Variants in RAI1 observed in about 807,000 individuals in gnomAD.
RAI1 encodes retinoic acid induced 1.
Under a neutral mutation model 123.8 loss-of-function variants are expected in RAI1, and 9 were observed. The observed-to-expected ratio is 0.07, with a 90% CI of 0.04 to 0.13. RAI1 has a LOEUF of 0.13. Among genes scored for constraint, RAI1 ranks in the 10% least tolerant of loss-of-function variants. RAI1 has a pLI of 1.00. For missense variants in RAI1, 2,256 were observed against 2,545.8 expected, an observed-to-expected ratio of 0.89 and a Z score of 2.45; for synonymous variants, 1,231 against 1,127.3, an observed-to-expected ratio of 1.09 and a Z score of -1.84.
chr17:17,735,169 C>G (rs536689152), intron 2 of RAI1, among the ~76,000 whole-genome samples: 1 of 152,168 alleles, frequency 6.6e-6, no homozygotes, highest in South Asian at 2.1e-4. Flanking sequence ...TGTCCTGCCT[C>G]AGCCTCCCAA....
chr17:17,744,812 AAGG>A (rs1399347756), intron 2 of RAI1, among the ~76,000 whole-genome samples: 1 of 151,676 alleles, frequency 6.6e-6, no homozygotes, highest in South Asian at 2.1e-4. Context: ...AAAAAAAAAA[AAGG>A]AAAACTGTAG....
rs9944449 is a variant in RAI1 at position 17,799,741 on chromosome 17, C to T, written c.5565+1228C>T. ...ATCTGAGTGATTCAGTGACCCAGCA[C>T]AGTGGCCCCAGCCGGTGGCTTCGCC... On this transcript the variant is annotated intron_variant, in intron 3 of 5. Coordinates refer to ENST00000353383, the MANE Select transcript of RAI1 (RefSeq NM_030665.4). The surrounding 1 kb of genome is among the most constrained non-coding windows in gnomAD (Gnocchi z 4.5). Among the ~76,000 whole-genome samples, 1,549 of 152,328 alleles carry T rather than the reference C, an allele frequency of 0.01. 24 individuals are homozygous for T. The highest frequency in any genetic ancestry group is 0.033 in the African/African-American group (1,387 of 41,570).
At position 17,713,165 on chromosome 17, in the gene RAI1, A is replaced by T. The variant is rs569262315; in HGVS notation, c.-148-10863A>T. ...GAGTGAATTATACCTCAAAAAAAAA[A>T]TTTTTTTTAAGGCATGTCCAGATTT... On this transcript the variant is annotated intron_variant, in intron 1 of 5. Transcript: ENST00000353383. 4.7e-3 allele frequency among the ~76,000 whole-genome samples: 719 copies of T among 152,162 alleles called. 2 individuals carry two copies. The highest frequency in any genetic ancestry group is 6.4e-3 in the Non-Finnish European group (438 of 67,982).
At position 17,809,812 on chromosome 17, in the gene RAI1, C is replaced by T. The variant is rs1234592780; in HGVS notation, c.5710-158C>T. On this transcript the variant is annotated intron_variant, in intron 5 of 5. Coordinates refer to ENST00000353383, the MANE Select transcript of RAI1 (RefSeq NM_030665.4). The surrounding 1 kb of genome is among the most constrained non-coding windows in gnomAD (Gnocchi z 4.9). Reference sequence around the variant, plus strand: ...GAAGGTGAAGCTGGACGGGGTGGGGCCAGAAGGGGTGGTGCCGACGGCCTC... The same window carrying T: ...GAAGGTGAAGCTGGACGGGGTGGGGTCAGAAGGGGTGGTGCCGACGGCCTC... Among the ~76,000 whole-genome samples, 2 of 151,970 alleles carry T rather than the reference C, an allele frequency of 1.3e-5. No individual in the cohort carries two copies. The highest frequency in any genetic ancestry group is 2.4e-5 in the African/African-American group (1 of 41,392).
In RAI1 at chr17:17,809,451, C is replaced by G. The variant is rs1419967099; in HGVS notation, c.5709+12C>G. The G allele has an allele frequency of 1.9e-6, 3 of 1,590,380 alleles. No homozygotes were observed. Among genetic ancestry groups the G allele is most frequent in the South Asian group, 2.2e-5 (2 of 90,612 alleles). ...GTCCCAAACATAAGGTAGGGGACCA[C>G]AGTGTTTTGTAGGGCGAGGGGTGTC... On this transcript the variant is annotated intron_variant, in intron 5 of 5. Coordinates refer to ENST00000353383, the MANE Select transcript of RAI1 (RefSeq NM_030665.4). The surrounding 1 kb of genome is among the most constrained non-coding windows in gnomAD (Gnocchi z 4.9).
Position 17,809,246 on chromosome 17 carries a change from C to T in RAI1, c.5660-144C>T. 1 of 795,586 alleles carries T rather than the reference C, an allele frequency of 1.3e-6. No individual in the cohort carries two copies. The highest frequency in any genetic ancestry group is 2.2e-6 in the Non-Finnish European group (1 of 449,570). 49.3% of individuals were successfully genotyped at this position (795,586 alleles called of 1,614,324 possible). A position where few individuals can be genotyped will look rare whatever the true frequency, so the allele number is the denominator to read the frequency against. ...GGAGTGGAGTGTGGAGGGTTTTGTGCAGAATCTGATTAACTCTTTGAAAAG... is the reference window on the plus strand; with the variant it reads ...GGAGTGGAGTGTGGAGGGTTTTGTGTAGAATCTGATTAACTCTTTGAAAAG... On this transcript the variant is annotated intron_variant, in intron 4 of 5. Coordinates refer to ENST00000353383, the MANE Select transcript of RAI1 (RefSeq NM_030665.4). The surrounding 1 kb of genome is among the most constrained non-coding windows in gnomAD (Gnocchi z 4.9).
Position 17,794,221 on chromosome 17 carries a change from A to G in RAI1, c.1273A>G (p.Asn425Asp), listed in dbSNP as rs142539314. The change falls in exon 3 of 6, where the codon AAC becomes GAC. Residue 425 changes from asparagine (N) to aspartate (D), a missense_variant. Asn to Asp is a conservative substitution (Grantham distance 23, BLOSUM62 1). Around this residue, in one of 7 missense-constraint regions of RAI1, gnomAD observed 357 missense variants for 480.2 expected, o/e 0.74. Coordinates refer to ENST00000353383, the MANE Select transcript of RAI1 (RefSeq NM_030665.4). ...KPLQKDKLPE[N>D]LLSDLSLQSL... The stretch of plus-strand genomic sequence containing the variant: ...CCTTCAGAAGGACAAGCTCCCTGAG[A>G]ACCTGCTGTCGGATCTCAGCCTGCA... 33 of 1,613,314 alleles carry G rather than the reference A, an allele frequency of 2.0e-5. No individual in the cohort carries two copies. In the African/African-American group the frequency reaches 4.4e-4, roughly 22 times the overall value.
chr17:17,805,656 C>CT (rs994502399), intron 4 of RAI1, among the ~76,000 whole-genome samples: 3 of 152,218 alleles, frequency 2.0e-5, no homozygotes, highest in African/African-American at 4.8e-5. Flanking sequence ...ACAGAGGACT[C>CT]TGAGTGCTGA....
rs78039391 is a variant in RAI1, at chr17:17,775,159, G to A, written c.-16-17774G>A. ...CAGCTGACCCTTGAACAATGTGGGG[G>A]TTAGGGACGCTGACCCCCACACAGC... On this transcript the variant is annotated intron_variant, in intron 2 of 5. Coordinates refer to ENST00000353383, the MANE Select transcript of RAI1 (RefSeq NM_030665.4). Among the ~76,000 whole-genome samples the A allele has an allele frequency of 9.1e-3, 1,383 of 151,846 alleles. 27 individuals are homozygous for A. Among genetic ancestry groups the A allele is most frequent in the African/African-American group, 0.032 (1,312 of 41,370 alleles).
intron 2 of RAI1, among the ~76,000 whole-genome samples, chr17:17,746,489 C>T (rs1268142490): frequency 6.6e-6 from 1 of 152,220 alleles, no homozygotes; most frequent in Non-Finnish European, 1.5e-5. Context: ...TTCTCTGTCC[C>T]TCCCTAAACT....
rs2032717321 is a variant in RAI1 at position 17,810,430 on chromosome 17, C to T, written c.*449C>T. 1 of 227,660 alleles carries T rather than the reference C, an allele frequency of 4.4e-6. No individual in the cohort carries two copies. The highest frequency in any genetic ancestry group is 8.8e-6 in the Non-Finnish European group (1 of 113,092). The allele number at this position is 227,660 out of a possible 1,614,324, so 14.1% of individuals were successfully genotyped here. On this transcript the variant is annotated 3_prime_UTR_variant, in exon 6 of 6. Transcript: ENST00000353383. This position sits in a 1 kb window ranked among gnomAD's most constrained non-coding sequence, Gnocchi z 4.6. ...GTGGCGTGCAGCTGGGAGCCCTGGG[C>T]TTGGGGGTGGGGGTCGAAACAGTAC...
intron 1 of RAI1, among the ~76,000 whole-genome samples, chr17:17,701,011 G>C (rs1483223704): frequency 6.6e-6 from 1 of 152,106 alleles, no homozygotes; most frequent in African/African-American, 2.4e-5. Context: ...TACTCCCCTC[G>C]TCTTTAGAAG....
intron 2 of RAI1, among the ~76,000 whole-genome samples, chr17:17,773,341 A>G (rs942576133): frequency 1.3e-5 from 2 of 152,172 alleles, no homozygotes; most frequent in African/African-American, 4.8e-5. Flanking sequence ...CTCCACAGAC[A>G]GTGCATGGGA....
chr17:17,803,678 A>G, intron 3 of RAI1, 78 bp from the exon 4 acceptor site: 1 of 1,360,356 alleles, frequency 7.4e-7, no homozygotes. Context: ...GAGCCACTGC[A>G]CCTGGCCTAC....
intron 2 of RAI1, among the ~76,000 whole-genome samples, chr17:17,737,182 G>T (rs1916458236): frequency 1.3e-5 from 2 of 152,150 alleles, no homozygotes; most frequent in East Asian, 1.9e-4. Flanking sequence ...ACATTTTTTG[G>T]ATTGAGGATG....
At chr17:17,751,952 A>T (rs766814660) in intron 2 of RAI1, among the ~76,000 whole-genome samples, 1 of 152,094 alleles carries the variant, frequency 6.6e-6, no homozygotes, top group Admixed American at 6.5e-5. Flanking sequence ...CACCAAGGGC[A>T]GAGTTTTTTT....
chr17:17,772,753 C>A (rs1386494893), intron 2 of RAI1, among the ~76,000 whole-genome samples: 2 of 152,198 alleles, frequency 1.3e-5, no homozygotes, highest in African/African-American at 4.8e-5. Context: ...ACGTAGGGCC[C>A]TTTCCCATGC....
rs927406565 is a variant in RAI1 at position 17,800,948 on chromosome 17, TAGC to T, written c.5565+2438_5565+2440del. Among the ~76,000 whole-genome samples the T allele has an allele frequency of 6.6e-6, 1 of 152,168 alleles. No individual in the cohort carries two copies. Among genetic ancestry groups the T allele is most frequent in the Non-Finnish European group, 1.5e-5 (1 of 68,024 alleles). On this transcript the variant is annotated intron_variant, in intron 3 of 5. Transcript: ENST00000353383. The surrounding 1 kb of genome is among the most constrained non-coding windows in gnomAD (Gnocchi z 4.7). ...AGAACTCCACAATGTCAAACCCCGT[TAGC>T]AGGATTGTGGGGTTCTGTGGATCAT...
intron 1 of RAI1, among the ~76,000 whole-genome samples, chr17:17,712,922 G>A (rs1401282145): frequency 1.3e-5 from 2 of 151,894 alleles, no homozygotes; most frequent in Non-Finnish European, 2.9e-5. Context: ...CCATTCATAC[G>A]AAATGCCCAG....
Sources: allele counts gnomAD v4.1 joint callset (sites outside exome capture counted in the v4.1 genomes callset), GRCh38; gene constraint gnomAD v4.1.1; regional missense constraint gnomAD v4.1.1; non-coding constraint Gnocchi (gnomAD v3.1); transcripts MANE v1.5; gene names NCBI Gene and HGNC (gene_info 2026-07-23, HGNC 2026-07-21).